Variants in KCNQ5 observed in about 807,000 individuals in gnomAD.
KCNQ5 encodes the protein potassium voltage-gated channel subfamily KQT member 5.
Under a neutral mutation model 98.2 loss-of-function variants are expected in KCNQ5, and 30 were observed. That is an observed-to-expected ratio of 0.31 (90% CI 0.23 to 0.41). The LOEUF is 0.41. KCNQ5 is among the 10% of genes least tolerant of loss of function. The probability of loss-of-function intolerance (pLI) is 1.00; values close to 1 mark genes in which losing one functional copy is unlikely to be tolerated. For missense variants in KCNQ5, 835 were observed against 1,182.5 expected (o/e 0.71, Z 4.31); for synonymous variants, 458 against 449.4 (o/e 1.02, Z -0.24).
chr6:72,906,429 G>A (rs1036295358), intron 1 of KCNQ5, among the ~76,000 whole-genome samples: 4 of 152,232 alleles, frequency 2.6e-5, no homozygotes, highest in African/African-American at 9.6e-5. Context: ...TTCTTGACCA[G>A]TTCAAATTGT....
chr6:72,723,698 G>T (rs1049826943), intron 1 of KCNQ5, among the ~76,000 whole-genome samples: 1 of 149,680 alleles, frequency 6.7e-6, no homozygotes, highest in Admixed American at 6.6e-5. Context: ...AAATAGTTTG[G>T]TACCTTAAGT....
chr6:72,827,946 C>T (rs577133046), intron 1 of KCNQ5, among the ~76,000 whole-genome samples: 9 of 152,068 alleles, frequency 5.9e-5, no homozygotes, highest in East Asian at 5.8e-4. Context: ...CTTCTGCATA[C>T]GGATATCCAG....
chr6:73,056,313 A>G (rs9341398), intron 3 of KCNQ5, among the ~76,000 whole-genome samples: 142,371 of 152,162 alleles, frequency 0.94, 67,007 homozygotes, highest in East Asian at 0.99. Flanking sequence ...TGATGTGACA[A>G]CTGTTTCCTC....
intron 1 of KCNQ5, among the ~76,000 whole-genome samples, chr6:72,702,787 G>A (rs529817981): frequency 1.1e-4 from 16 of 152,134 alleles, no homozygotes; most frequent in South Asian, 2.1e-4. Context: ...ATTTCACTTC[G>A]TACAGGTACA....
chr6:72,745,858 T>A (rs895878821), intron 1 of KCNQ5, among the ~76,000 whole-genome samples: 3 of 152,050 alleles, frequency 2.0e-5, no homozygotes, highest in Non-Finnish European at 2.9e-5. Context: ...CATCTAGTGG[T>A]TCCTAGCAAT....
At chr6:73,049,343 A>G (rs1170355923) in intron 3 of KCNQ5, among the ~76,000 whole-genome samples, 1 of 152,218 alleles carries the variant, frequency 6.6e-6, no homozygotes, top group African/African-American at 2.4e-5. Context: ...ACCTTTCTAT[A>G]AAGGAATTTG....
chr6:72,918,531 T>C (rs1387294743), intron 1 of KCNQ5, among the ~76,000 whole-genome samples: 1 of 151,948 alleles, frequency 6.6e-6, no homozygotes, highest in Non-Finnish European at 1.5e-5. Context: ...CTCCAGGACC[T>C]TGAAAATTTG....
chr6:73,136,612 A>T (rs1314281097), intron 10 of KCNQ5: 1 of 152,202 alleles, frequency 6.6e-6, no homozygotes, highest in African/African-American at 2.4e-5. Context: ...TTCTGTTGAA[A>T]TTACTTTGTT....
Position 73,198,467 on chromosome 6 carries a change from TC to T in KCNQ5, c.*3054del, listed in dbSNP as rs1765872455. On this transcript the variant is annotated 3_prime_UTR_variant, in exon 14 of 14. Transcript: ENST00000370398. ...AATAAGTCTACTAGAGAGGAGGAAATCAGGCACAAATTGACCAATTCTCATG... is the reference window on the plus strand; with the variant it reads ...AATAAGTCTACTAGAGAGGAGGAAATAGGCACAAATTGACCAATTCTCATG... The T allele has an allele frequency of 6.6e-6, 1 of 152,206 alleles. No individual in the cohort carries two copies. The highest frequency in any genetic ancestry group is 2.4e-5 in the African/African-American group (1 of 41,446). 9.4% of individuals were successfully genotyped at this position (152,206 alleles called of 1,614,324 possible). A position where few individuals can be genotyped will look rare whatever the true frequency, so the allele number is the denominator to read the frequency against.
chr6:72,704,456 A>G (rs144305884), intron 1 of KCNQ5, among the ~76,000 whole-genome samples: 1 of 152,010 alleles, frequency 6.6e-6, no homozygotes, highest in East Asian at 1.9e-4. Flanking sequence ...GCAGGACTGC[A>G]TGCAGAGGTA....
chr6:73,105,367 C>G lies in KCNQ5; in HGVS notation c.1029C>G (p.Ala343=). 6.3e-7 allele frequency: 1 copy of G among 1,590,554 alleles called. No homozygotes were observed. Among genetic ancestry groups the G allele is most frequent in the South Asian group, 1.1e-5 (1 of 89,052 alleles). The change falls in exon 6 of 14, where the codon GCC becomes GCG. Residue 343 remains alanine (A), a splice_region_variant and synonymous_variant. Transcript: ENST00000370398. The part of the protein sequence containing the change: ...LLGISFFALP[A]GILGSGFALK... ...GCATTTCTTTCTTTGCACTTCCTGC[C>G]GTGAGTATCTTTGCACCAATAAAGC...
intron 1 of KCNQ5, among the ~76,000 whole-genome samples, chr6:72,709,458 GA>G (rs1769250051): frequency 6.6e-6 from 1 of 152,126 alleles, no homozygotes; most frequent in African/African-American, 2.4e-5. Context: ...ATAACACTCT[GA>G]TGGCGGTTTT....
intron 6 of KCNQ5, among the ~76,000 whole-genome samples, chr6:73,110,993 AC>A (rs1233435183): frequency 4.0e-5 from 6 of 151,218 alleles, no homozygotes; most frequent in Non-Finnish European, 8.8e-5. Flanking sequence ...CCACACACAC[AC>A]AAAAAAATTT....
chr6:73,042,527 A>G (rs1334507989), intron 3 of KCNQ5, among the ~76,000 whole-genome samples: 1 of 152,226 alleles, frequency 6.6e-6, no homozygotes, highest in Non-Finnish European at 1.5e-5. Flanking sequence ...ATAGATAGCC[A>G]TACATTGGTA....
At chr6:73,152,192 G>A (rs953956940) in intron 10 of KCNQ5, among the ~76,000 whole-genome samples, 10 of 151,756 alleles carry the variant, frequency 6.6e-5, no homozygotes, top group Non-Finnish European at 1.2e-4. Context: ...ATCCATTCTA[G>A]AATATCTTAT....
At position 73,195,975 on chromosome 6, in the gene KCNQ5, G is replaced by C. The variant is rs1448795271; in HGVS notation, c.*561G>C. ...ATTAATGTAATTTGAATGTCAATTT[G>C]TGTGCTTTTGGTGATTTAGCGCTGT... On this transcript the variant is annotated 3_prime_UTR_variant, in exon 14 of 14. Transcript: ENST00000370398. 1 of 154,538 alleles carries C rather than the reference G, an allele frequency of 6.5e-6. No individual in the cohort carries two copies. The highest frequency in any genetic ancestry group is 1.4e-5 in the Non-Finnish European group (1 of 69,290). 9.6% of individuals were successfully genotyped at this position (154,538 alleles called of 1,614,324 possible). A position where few individuals can be genotyped will look rare whatever the true frequency, so the allele number is the denominator to read the frequency against.
At chr6:72,775,020 T>C (rs1023289179) in intron 1 of KCNQ5, among the ~76,000 whole-genome samples, 14 of 152,158 alleles carry the variant, frequency 9.2e-5, no homozygotes, top group Admixed American at 9.2e-4. Flanking sequence ...TGAATGTCCA[T>C]AGTGGCACTA....
chr6:72,830,863 A>G (rs145565784), intron 1 of KCNQ5, among the ~76,000 whole-genome samples: 2,865 of 152,322 alleles, frequency 0.019, 38 homozygotes, highest in Non-Finnish European at 0.03. Flanking sequence ...TCCAGAATCT[A>G]CAAAGAACTC....
At chr6:72,811,853 G>C (rs1775259868) in intron 1 of KCNQ5, among the ~76,000 whole-genome samples, 1 of 152,154 alleles carries the variant, frequency 6.6e-6, no homozygotes, top group Non-Finnish European at 1.5e-5. Context: ...CAAAAGAATG[G>C]CTACTCCATA....
Sources: gnomAD v4.1 joint callset for allele counts (sites outside exome capture counted in the v4.1 genomes callset) on GRCh38, gnomAD v4.1.1 for gene constraint, MANE v1.5 for transcripts, NCBI Gene and HGNC (gene_info 2026-07-23, HGNC 2026-07-21) for gene names.